OR52A5: variants seen among roughly 807,000 people sequenced by gnomAD.
The protein encoded by OR52A5 is olfactory receptor family 52 subfamily A member 5, also known as olfactory receptor 52A5.
A neutral mutation model predicts 18.2 loss-of-function variants in OR52A5; 16 were observed. The observed-to-expected ratio is 0.88, with a 90% CI of 0.60 to 1.34. The LOEUF is 1.34. Ranked by LOEUF, OR52A5 falls within the 40% of genes most tolerant of loss-of-function variation. The pLI is 0.00. For synonymous variants in OR52A5, 140 were observed against 137.2 expected, an observed-to-expected ratio of 1.02 and a Z score of -0.14; for missense variants, 418 against 383.0, an observed-to-expected ratio of 1.09 and a Z score of -0.76.
intron 1 of OR52A5, 55 bp downstream of exon 1, chr11:5,138,256 A>C (rs930490492): frequency 1.3e-5 from 2 of 152,216 alleles, no homozygotes; most frequent in African/African-American, 4.8e-5. Context: ...TCCTCTTTAG[A>C]ATGAATTCTT....
chr11:5,134,065 G>A (rs539558527), intron 1 of OR52A5, among the ~76,000 whole-genome samples: 1 of 152,292 alleles, frequency 6.6e-6, no homozygotes, highest in South Asian at 2.1e-4. Flanking sequence ...GGGGACAAGT[G>A]TCAGTGTAGA....
chr11:5,133,971 G>A (rs963164859), intron 1 of OR52A5, among the ~76,000 whole-genome samples: 4 of 151,990 alleles, frequency 2.6e-5, no homozygotes, highest in East Asian at 1.9e-4. Flanking sequence ...GGACTGTTTC[G>A]ATACTCTTTT....
At position 5,132,546 on chromosome 11, in the gene OR52A5, A is replaced by T; in HGVS notation, c.97T>A (p.Phe33Ile). Residue 33 changes from phenylalanine (F) to isoleucine (I), a missense_variant, in exon 2 of 2, where the codon TTC becomes ATC. By Grantham distance (21) the Phe-to-Ile change is conservative (BLOSUM62 0). Transcript: ENST00000307388. ...ACACCAATAAGATACATGGCAGAGAAAGGAATCCCAATCCAACACTGCACT... is the reference window on the plus strand; with the variant it reads ...ACACCAATAAGATACATGGCAGAGATAGGAATCCCAATCCAACACTGCACT... The part of the protein sequence containing the change: ...ESVQCWIGIP[F>I]SAMYLIGVIG... 1.2e-6 allele frequency: 2 copies of T among 1,613,996 alleles called. No homozygotes were observed. The highest frequency in any genetic ancestry group is 1.7e-6 in the Non-Finnish European group (2 of 1,179,884).
At chr11:5,133,882 T>TA (rs1289332291) in intron 1 of OR52A5, among the ~76,000 whole-genome samples, 2 of 152,314 alleles carry the variant, frequency 1.3e-5, no homozygotes, top group Admixed American at 6.5e-5. Flanking sequence ...AAACTTTATA[T>TA]ATCTATACAT....
In OR52A5 at chr11:5,132,869, T is replaced by C. The variant is rs1404720163; in HGVS notation, c.-60-167A>G. Among the ~76,000 whole-genome samples the C allele has an allele frequency of 2.6e-5, 4 of 152,242 alleles. No individual in the cohort carries two copies. In the East Asian group the frequency reaches 5.8e-4, roughly 22 times the overall value. On this transcript the variant is annotated intron_variant, in intron 1 of 1. Coordinates refer to ENST00000307388, the MANE Select transcript of OR52A5 (RefSeq NM_001005160.3). Reference sequence around the variant, plus strand: ...ACAAACATCAGGTTCTGTTTCTCCATGTCTTAATCATTTTCAATGGGCAAA... The same window carrying C: ...ACAAACATCAGGTTCTGTTTCTCCACGTCTTAATCATTTTCAATGGGCAAA...
At chr11:5,134,936 C>T (rs1846377613) in intron 1 of OR52A5, among the ~76,000 whole-genome samples, 1 of 152,118 alleles carries the variant, frequency 6.6e-6, no homozygotes, top group African/African-American at 2.4e-5. Context: ...GTGGCACGAT[C>T]TCGGCTCACT....
At position 5,132,651 on chromosome 11, in the gene OR52A5, C is replaced by A. The variant is rs1490923582; in HGVS notation, c.-9G>T. 6.4e-7 allele frequency: 1 copy of A among 1,551,100 alleles called. No individual in the cohort carries two copies. The highest frequency in any genetic ancestry group is 8.8e-7 in the Non-Finnish European group (1 of 1,140,526). On this transcript the variant is annotated 5_prime_UTR_variant, in exon 2 of 2. An upstream start codon of the reference 5' UTR is lost. Coordinates refer to ENST00000307388, the MANE Select transcript of OR52A5 (RefSeq NM_001005160.3). ...CCATTGAATGTCGGCATGATTTGTT[C>A]ATCAGAATCAAGTGGTAGATTTGCT...
chr11:5,133,028 C>G (rs1159554529), intron 1 of OR52A5, among the ~76,000 whole-genome samples: 1 of 151,866 alleles, frequency 6.6e-6, no homozygotes, highest in South Asian at 2.1e-4. Context: ...TTATTTAATG[C>G]AGAGCAAAGA....
intron 1 of OR52A5, among the ~76,000 whole-genome samples, chr11:5,137,083 G>C (rs1395553539): frequency 6.6e-6 from 1 of 152,222 alleles, no homozygotes; most frequent in Admixed American, 6.5e-5. Context: ...CAAAATCTGT[G>C]AGGACTCACC....
rs766772917 is a variant in OR52A5, at chr11:5,131,819, A to G, written c.824T>C (p.Ile275Thr). ...GTAAAGATTTGACAAGAGGATATGA[A>G]TATATGGTGGTATGTGTGAACCAAA... Reference protein sequence around the residue: ...HRFGSHIPPYIHILLSNLYLL... With the variant: ...HRFGSHIPPYTHILLSNLYLL... Residue 275 changes from isoleucine to threonine, a missense_variant, in exon 2 of 2, where the codon ATT (isoleucine) becomes ACT (threonine). By Grantham distance (89) the Ile-to-Thr change is moderately conservative (BLOSUM62 -1). Coordinates refer to ENST00000307388, the MANE Select transcript of OR52A5 (RefSeq NM_001005160.3). 6.2e-7 allele frequency: 1 copy of G among 1,614,058 alleles called. No homozygotes were observed. The highest frequency in any genetic ancestry group is 1.1e-5 in the South Asian group (1 of 91,078).
chr11:5,133,587 T>C (rs1447555035), intron 1 of OR52A5, among the ~76,000 whole-genome samples: 2 of 151,266 alleles, frequency 1.3e-5, no homozygotes, highest in Non-Finnish European at 2.9e-5. Context: ...AACCCAATCA[T>C]ATATCTTATA....
Position 5,132,122 on chromosome 11 carries a change from G to A in OR52A5, c.521C>T (p.Thr174Ile). Residue 174 changes from threonine to isoleucine, a missense_variant, in exon 2 of 2, where the codon ACT becomes ATT. Physicochemically the swap from Thr to Ile is moderately conservative, Grantham distance 89 (BLOSUM62 -1). Transcript: ENST00000307388. ...ACAGTAAGAGTGAGAGATGACTGTA[G>A]TTCGATAGTGTTTCAGACAGCATTT... is the stretch of plus-strand genomic sequence containing the variant. ...LIKCCLKHYR[T>I]TVISHSYCEH... 1.2e-6 allele frequency: 2 copies of A among 1,614,176 alleles called. No individual in the cohort carries two copies. Among genetic ancestry groups the A allele is most frequent in the East Asian group, 4.5e-5 (2 of 44,888 alleles).
rs917284629 is a variant in OR52A5 at position 5,132,612 on chromosome 11, G to A, written c.31C>T (p.Pro11Ser). 1.2e-6 allele frequency: 2 copies of A among 1,605,380 alleles called. No individual in the cohort carries two copies. The highest frequency in any genetic ancestry group is 2.7e-5 in the African/African-American group (2 of 74,464). ...ATCCCAATTAGTATAAACGCAGAGG[G>A]CATGAAGACTGAGCCATTGAATGTC... is the stretch of plus-strand genomic sequence containing the variant. MPTFNGSVFM[P>S]SAFILIGIPG... is the part of the protein sequence containing the mutation. Residue 11 changes from proline to serine, a missense_variant, in exon 2 of 2, where the codon CCC becomes TCC. Pro to Ser is a moderately conservative substitution (Grantham distance 74, BLOSUM62 -1). Coordinates refer to ENST00000307388, the MANE Select transcript of OR52A5 (RefSeq NM_001005160.3).
rs1248342572 is a variant in OR52A5, at chr11:5,132,125, C to T, written c.518G>A (p.Arg173Gln). The T allele has an allele frequency of 3.1e-6, 5 of 1,614,006 alleles. No homozygotes were observed. The highest frequency in any genetic ancestry group is 2.2e-5 in the East Asian group (1 of 44,876). Reference protein sequence around the residue: ...GLIKCCLKHYRTTVISHSYCE... With the variant: ...GLIKCCLKHYQTTVISHSYCE... ...GTAAGAGTGAGAGATGACTGTAGTT[C>T]GATAGTGTTTCAGACAGCATTTGAT... The change falls in exon 2 of 2, where the codon CGA becomes CAA. Residue 173 changes from arginine (R) to glutamine (Q), a missense_variant. Coordinates refer to ENST00000307388, the MANE Select transcript of OR52A5 (RefSeq NM_001005160.3).
intron 1 of OR52A5, among the ~76,000 whole-genome samples, chr11:5,133,789 T>C (rs1846366658): frequency 6.6e-6 from 1 of 152,168 alleles, no homozygotes; most frequent in Non-Finnish European, 1.5e-5. Flanking sequence ...GTTACCTCCC[T>C]AAGCCTGAAC....
At chr11:5,135,574 A>C (rs980740655) in intron 1 of OR52A5, among the ~76,000 whole-genome samples, 12 of 152,168 alleles carry the variant, frequency 7.9e-5, no homozygotes, top group Admixed American at 7.9e-4. Context: ...TCCAGCATTA[A>C]CATCAACACA....
Position 5,132,247 on chromosome 11 carries a change from C to A in OR52A5, c.396G>T (p.Leu132Phe). 1 of 1,614,048 alleles carries A rather than the reference C, an allele frequency of 6.2e-7. No individual in the cohort carries two copies. Among genetic ancestry groups the A allele is most frequent in the Non-Finnish European group, 8.5e-7 (1 of 1,180,008 alleles). Residue 132 changes from leucine (L) to phenylalanine (F), a missense_variant, in exon 2 of 2, where the codon TTG becomes TTT. Leu to Phe is a conservative substitution (Grantham distance 22). Coordinates refer to ENST00000307388, the MANE Select transcript of OR52A5 (RefSeq NM_001005160.3). ...LDRYVAICIPLRHATIFSQQF... is the reference protein window; with the variant it reads ...LDRYVAICIPFRHATIFSQQF... ...GCTGGGAAAAGATGGTGGCATGTCT[C>A]AAGGGGATACAGATGGCCACATAGC...
In OR52A5 at chr11:5,132,701, G is replaced by T; in HGVS notation, c.-59C>A. The T allele has an allele frequency of 9.3e-7, 1 of 1,075,920 alleles. No homozygotes were observed. The highest frequency in any genetic ancestry group is 1.3e-6 in the Non-Finnish European group (1 of 743,704). The allele number at this position is 1,075,920 out of a possible 1,614,324, so 66.6% of individuals were successfully genotyped here. On this transcript the variant is annotated splice_region_variant and 5_prime_UTR_variant, in exon 2 of 2. Coordinates refer to ENST00000307388, the MANE Select transcript of OR52A5 (RefSeq NM_001005160.3). ...TGTTTCATCTTCTATTCTCTGTTGA[G>T]CCTTGATGAATTAAAAATTAAAAAT...
In OR52A5 at chr11:5,131,060, AG is replaced by A. The variant is rs1406475332; in HGVS notation, c.*631del. ...TTTTGAATACCATTAATTGACACAA[AG>A]AAAATGTTTACTCTGTTCATTATTC... On this transcript the variant is annotated 3_prime_UTR_variant, in exon 2 of 2. Transcript: ENST00000307388. The A allele has an allele frequency of 2.0e-5, 3 of 152,174 alleles. No homozygotes were observed. The highest frequency in any genetic ancestry group is 7.2e-5 in the African/African-American group (3 of 41,436). The allele number at this position is 152,174 out of a possible 1,614,324, so 9.4% of individuals were successfully genotyped here. A position where few individuals can be genotyped will look rare whatever the true frequency, so the allele number is the denominator to read the frequency against.
Sources: allele counts gnomAD v4.1 joint callset (sites outside exome capture counted in the v4.1 genomes callset), GRCh38; gene constraint gnomAD v4.1.1; transcripts MANE v1.5; gene names NCBI Gene and HGNC (gene_info 2026-07-23, HGNC 2026-07-21).